CYTH1: variants seen among roughly 807,000 people sequenced by gnomAD.
CYTH1 encodes the protein cytohesin 1.
In CYTH1, 18 loss-of-function variants were observed where a neutral mutation model predicts 61.8. The ratio of observed to expected loss-of-function variants is 0.29; its 90% confidence interval spans 0.20 to 0.43. The LOEUF (loss-of-function observed/expected upper bound fraction) is 0.43. Among genes scored for constraint, CYTH1 ranks in the 20% least tolerant of loss-of-function variants. CYTH1 has a pLI of 1.00. For missense variants in CYTH1, 336 were observed against 510.5 expected, an observed-to-expected ratio of 0.66 and a Z score of 3.29; for synonymous variants, 174 against 184.3, an observed-to-expected ratio of 0.94 and a Z score of 0.45.
intron 9 of CYTH1, among the ~76,000 whole-genome samples, 174 bp downstream of exon 9, chr17:78,698,095 G>A (rs983883118): frequency 6.6e-6 from 1 of 152,110 alleles, no homozygotes; most frequent in Admixed American, 6.5e-5. Context: ...TACATGGTGC[G>A]TGTGTGTCCA....
intron 1 of CYTH1, among the ~76,000 whole-genome samples, chr17:78,777,625 T>C (rs926549401): frequency 8.6e-5 from 13 of 151,926 alleles, no homozygotes; most frequent in African/African-American, 2.7e-4. Flanking sequence ...ATATTATCAA[T>C]GAGCTATGTT....
chr17:78,701,068 G>A (rs1020670886), intron 6 of CYTH1, among the ~76,000 whole-genome samples: 2 of 152,040 alleles, frequency 1.3e-5, no homozygotes, highest in Admixed American at 6.6e-5. Context: ...TTAAACAAAC[G>A]CTATTTCCGG....
chr17:78,710,972 A>T (rs1246642548), intron 1 of CYTH1, among the ~76,000 whole-genome samples: 1 of 152,144 alleles, frequency 6.6e-6, no homozygotes, highest in East Asian at 1.9e-4. Flanking sequence ...GGTAAAAAAT[A>T]TACACCGAGG....
At chr17:78,739,148 T>A (rs2093332422) in intron 1 of CYTH1, among the ~76,000 whole-genome samples, 1 of 152,284 alleles carries the variant, frequency 6.6e-6, no homozygotes, top group African/African-American at 2.4e-5. Context: ...TATCATTTTT[T>A]AAATGATTTG....
In CYTH1 at chr17:78,760,355, TTATATATATA is replaced by T. The variant is rs370393556; in HGVS notation, c.22+21837_22+21846del. ...TCTGGCCTCTATCCAAATAGCAGGTTTATATATATATATATATATATATATATATACACAC... is the reference window on the plus strand; with the variant it reads ...TCTGGCCTCTATCCAAATAGCAGGTTTATATATATATATATATATACACAC... On this transcript the variant is annotated intron_variant, in intron 1 of 13. Transcript: ENST00000446868. 1.3e-4 allele frequency among the ~76,000 whole-genome samples: 7 copies of T among 52,276 alleles called. 1 individual carries two copies. The highest frequency in any genetic ancestry group is 5.0e-4 in the African/African-American group (7 of 13,908). The allele number at this position is 52,276 out of a possible 152,430, so 34.3% of individuals were successfully genotyped here.
chr17:78,715,097 T>G (rs1004014495), intron 1 of CYTH1, among the ~76,000 whole-genome samples: 5 of 152,128 alleles, frequency 3.3e-5, no homozygotes, highest in African/African-American at 1.2e-4. Flanking sequence ...AAAATATTTT[T>G]AAATCCCACA....
intron 3 of CYTH1, among the ~76,000 whole-genome samples, chr17:78,703,379 C>G (rs1403656450): frequency 4.7e-5 from 6 of 128,676 alleles, no homozygotes; most frequent in African/African-American, 1.8e-4. Flanking sequence ...CCACTGCACT[C>G]TAGCCCGGGT....
At chr17:78,766,852 A>G (rs1159063273) in intron 1 of CYTH1, among the ~76,000 whole-genome samples, 2 of 152,220 alleles carry the variant, frequency 1.3e-5, no homozygotes, top group African/African-American at 4.8e-5. Flanking sequence ...CCAGTATAGA[A>G]AAAGCCCATT....
intron 1 of CYTH1, among the ~76,000 whole-genome samples, chr17:78,754,409 T>A (rs2093392824): frequency 6.6e-6 from 1 of 151,910 alleles, no homozygotes; most frequent in Non-Finnish European, 1.5e-5. Flanking sequence ...AGTGGTGCAA[T>A]CTTGGCTCAC....
At chr17:78,684,518 C>T (rs1045709962) in intron 11 of CYTH1, among the ~76,000 whole-genome samples, 1 of 152,186 alleles carries the variant, frequency 6.6e-6, no homozygotes, top group Non-Finnish European at 1.5e-5. Context: ...ACGTCTTTGG[C>T]TTTTTAAATT....
At chr17:78,735,577 C>T (rs1598895660) in intron 1 of CYTH1, among the ~76,000 whole-genome samples, 2 of 152,216 alleles carry the variant, frequency 1.3e-5, no homozygotes, top group South Asian at 2.1e-4. Context: ...TCCCTCCCAG[C>T]GTCCCCCACG....
Position 78,681,056 on chromosome 17 carries a change from G to GA in CYTH1, c.892-15dup, listed in dbSNP as rs1354258292. ...GGGCTCCTTATCCTACAGAACAGTT[G>GA]AAGAGAGGAAGTTTAAGATCACAGT... On this transcript the variant is annotated splice_polypyrimidine_tract_variant and intron_variant, in intron 11 of 13. Transcript: ENST00000446868. 1 of 1,611,126 alleles carries GA rather than the reference G, an allele frequency of 6.2e-7. No homozygotes were observed. The highest frequency in any genetic ancestry group is 1.1e-5 in the South Asian group (1 of 90,300).
chr17:78,762,784 A>G (rs1392554371), intron 1 of CYTH1, among the ~76,000 whole-genome samples: 1 of 152,316 alleles, frequency 6.6e-6, no homozygotes, highest in East Asian at 1.9e-4. Flanking sequence ...GGAAGGAGCT[A>G]AGAGCCAAGG....
chr17:78,701,787 G>A, intron 5 of CYTH1, 36 bp from the exon 6 acceptor site: 4 of 1,602,796 alleles, frequency 2.5e-6, no homozygotes, highest in Non-Finnish European at 3.4e-6. Flanking sequence ...AGAGAAAGCA[G>A]GAGTCAGGCA....
intron 1 of CYTH1, among the ~76,000 whole-genome samples, chr17:78,712,265 C>T (rs965833230): frequency 6.6e-6 from 1 of 152,086 alleles, no homozygotes; most frequent in African/African-American, 2.4e-5. Context: ...TACATCATGA[C>T]CCAATCTCCA....
At chr17:78,689,358 G>C (rs1214701659) in intron 11 of CYTH1, among the ~76,000 whole-genome samples, 1 of 152,228 alleles carries the variant, frequency 6.6e-6, no homozygotes, top group Non-Finnish European at 1.5e-5. Flanking sequence ...CCCAGCACTA[G>C]CATCACTGCC....
chr17:78,695,098 T>C (rs1299443202), intron 10 of CYTH1, among the ~76,000 whole-genome samples: 1 of 151,982 alleles, frequency 6.6e-6, no homozygotes, highest in Non-Finnish European at 1.5e-5. Context: ...TGTGCGTGTT[T>C]GGGGTTGTTC....
At chr17:78,777,201 C>A (rs1185448748) in intron 1 of CYTH1, among the ~76,000 whole-genome samples, 1 of 149,556 alleles carries the variant, frequency 6.7e-6, no homozygotes, top group African/African-American at 2.5e-5. Flanking sequence ...GGATGGATCA[C>A]GAGGTCAGGA....
intron 1 of CYTH1, among the ~76,000 whole-genome samples, chr17:78,721,292 T>C (rs1290591412): frequency 1.3e-5 from 2 of 152,024 alleles, no homozygotes; most frequent in Non-Finnish European, 2.9e-5. Flanking sequence ...ATCGGGCCAT[T>C]GCACTCCAGC....
Sources: allele counts gnomAD v4.1 joint callset (sites outside exome capture counted in the v4.1 genomes callset), GRCh38; gene constraint gnomAD v4.1.1; transcripts MANE v1.5; gene names NCBI Gene and HGNC (gene_info 2026-07-23, HGNC 2026-07-21).